CUX1: variants seen among roughly 807,000 people sequenced by gnomAD.
CUX1 encodes cut like homeobox 1, also known as protein CASP.
In CUX1, 31 loss-of-function variants were observed where a neutral mutation model predicts 158.8. The ratio of observed to expected loss-of-function variants is 0.20; its 90% confidence interval spans 0.15 to 0.26. The LOEUF (loss-of-function observed/expected upper bound fraction) is 0.26, where lower values mean the gene tolerates loss of function less well. Ranked by LOEUF, CUX1 falls within the 10% of genes least tolerant of loss-of-function variation. The probability of loss-of-function intolerance (pLI) is 1.00; values close to 1 mark genes in which losing one functional copy is unlikely to be tolerated. For missense variants in CUX1, 1,589 were observed against 2,014.6 expected (o/e 0.79, Z 4.04); for synonymous variants, 879 against 862.1 (o/e 1.02, Z -0.34).
intron 2 of CUX1, among the ~76,000 whole-genome samples, chr7:101,931,640 A>G (rs1176913769): frequency 1.3e-5 from 2 of 152,108 alleles, no homozygotes; most frequent in Non-Finnish European, 2.9e-5. Context: ...ATCTCAGCTC[A>G]CTGCAACCTC....
chr7:101,897,818 G>A (rs917989906), intron 1 of CUX1, among the ~76,000 whole-genome samples: 2 of 152,212 alleles, frequency 1.3e-5, no homozygotes, highest in Admixed American at 1.3e-4. Flanking sequence ...ATTGGTGTGT[G>A]TGTTTCAAGA....
chr7:102,066,956 A>G (rs908560243), intron 3 of CUX1, among the ~76,000 whole-genome samples: 2 of 152,220 alleles, frequency 1.3e-5, no homozygotes, highest in African/African-American at 2.4e-5. Context: ...ACATACACAC[A>G]CGCGTTTTAA....
intron 3 of CUX1, among the ~76,000 whole-genome samples, chr7:102,029,056 A>G (rs1820407747): frequency 7.0e-6 from 1 of 142,030 alleles, no homozygotes; most frequent in African/African-American, 2.6e-5. Flanking sequence ...CCAGTGGTGC[A>G]ATCTAGTCTC....
intron 1 of CUX1, among the ~76,000 whole-genome samples, chr7:101,834,237 T>TA (rs939011080): frequency 1.5e-5 from 2 of 135,490 alleles, no homozygotes; most frequent in African/African-American, 2.7e-5. Flanking sequence ...GCAGTGGCAC[T>TA]ATCTCAGCCC....
intron 1 of CUX1, among the ~76,000 whole-genome samples, chr7:101,825,948 A>G (rs1793243077): frequency 6.6e-6 from 1 of 152,154 alleles, no homozygotes; most frequent in African/African-American, 2.4e-5. Flanking sequence ...CAGCTGCCAG[A>G]TTAATCTTCC....
exon 15 of CUX1, chr7:102,273,477 A>G (rs1791377496): frequency 6.2e-7 from 1 of 1,611,722 alleles, no homozygotes; most frequent in Non-Finnish European, 8.5e-7. Context: ...CAGTCCATCC[A>G]GCGGCCCGAT....
chr7:102,092,953 A>C (rs1828765500), intron 4 of CUX1, among the ~76,000 whole-genome samples: 2 of 150,576 alleles, frequency 1.3e-5, no homozygotes, highest in South Asian at 4.2e-4. Context: ...AAAGAAAAAA[A>C]GAGCTCCTTT....
In CUX1 at chr7:101,942,948, T is replaced by C. The variant is rs564411064; in HGVS notation, c.141+26723T>C. ...CCCTTCTCTGCACCTCCATTCAGCT[T>C]GGACGGGAATCTGTCCTTCCTAGAA... On this transcript the variant is annotated intron_variant, in intron 2 of 23. Coordinates refer to ENST00000292535, the MANE Select transcript of CUX1 (RefSeq NM_181552.4). Among the ~76,000 whole-genome samples, 6 of 152,304 alleles carry C rather than the reference T, an allele frequency of 3.9e-5. No individual in the cohort carries two copies. In the Middle Eastern group the frequency reaches 0.01, roughly 259 times the overall value.
chr7:101,856,182 CAAAAAAAAA>C (rs768518044), intron 1 of CUX1, among the ~76,000 whole-genome samples: 4 of 48,048 alleles, frequency 8.3e-5, no homozygotes, highest in South Asian at 1.5e-3. Context: ...GACCCTGTCT[CAAAAAAAAA>C]AAAAAAAAAA....
At chr7:101,886,575 A>C (rs1021238054) in intron 1 of CUX1, among the ~76,000 whole-genome samples, 1 of 152,160 alleles carries the variant, frequency 6.6e-6, no homozygotes, top group African/African-American at 2.4e-5. Flanking sequence ...CACCAACACG[A>C]TACCCGTGGG....
chr7:102,043,297 A>T lies in CUX1; in HGVS notation c.189+15152A>T, dbSNP rs1175736795. 2.0e-5 allele frequency among the ~76,000 whole-genome samples: 3 copies of T among 149,526 alleles called. No individual in the cohort carries two copies. In the East Asian group the frequency reaches 6.0e-4, roughly 30 times the overall value. On this transcript the variant is annotated intron_variant, in intron 3 of 23. Coordinates refer to ENST00000292535, the MANE Select transcript of CUX1 (RefSeq NM_181552.4). ...GCATACATTACGAAGTGATTTCCACAATCTGACAACATACCCATTAGCTCA... is the reference window on the plus strand; with the variant it reads ...GCATACATTACGAAGTGATTTCCACTATCTGACAACATACCCATTAGCTCA...
intron 10 of CUX1, among the ~76,000 whole-genome samples, chr7:102,170,803 C>T (rs557425307): frequency 1.5e-4 from 23 of 151,290 alleles, no homozygotes; most frequent in African/African-American, 5.2e-4. Context: ...GTGGAGGCTA[C>T]GCAGGCACAG....
chr7:101,900,045 T>C (rs1212499929), intron 1 of CUX1, among the ~76,000 whole-genome samples: 1 of 152,192 alleles, frequency 6.6e-6, no homozygotes. Flanking sequence ...TCAGCTATCT[T>C]GTAGAAAGCG....
At chr7:102,072,558 A>G (rs1228009667) in intron 4 of CUX1, among the ~76,000 whole-genome samples, 9 of 152,238 alleles carry the variant, frequency 5.9e-5, no homozygotes, top group Non-Finnish European at 4.4e-5. Context: ...GCAGAAAGCA[A>G]CTAATCAAAG....
intron 9 of CUX1, among the ~76,000 whole-genome samples, chr7:102,164,050 G>A (rs1247368500): frequency 3.9e-5 from 6 of 152,216 alleles, no homozygotes; most frequent in Non-Finnish European, 8.8e-5. Flanking sequence ...TGACAGTAAA[G>A]GATCAGATCT....
chr7:102,253,955 T>C lies in CUX1; in HGVS notation c.*4913T>C. On this transcript the variant is annotated 3_prime_UTR_variant, in exon 24 of 24. Transcript: ENST00000292535. ...CTACCTCACTAACCTGTCTTCTCCA[T>C]CTGATGTCACCCAGAACCACACCCC... 1 of 985,526 alleles carries C rather than the reference T, an allele frequency of 1.0e-6. No homozygotes were observed. Among genetic ancestry groups the C allele is most frequent in the East Asian group, 1.1e-4 (1 of 8,814 alleles). The allele number at this position is 985,526 out of a possible 1,614,324, so 61.0% of individuals were successfully genotyped here. A position where few individuals can be genotyped will look rare whatever the true frequency, so the allele number is the denominator to read the frequency against.
chr7:102,192,073 G>A (rs782105723), intron 12 of CUX1, among the ~76,000 whole-genome samples: 8 of 152,148 alleles, frequency 5.3e-5, no homozygotes, highest in South Asian at 2.1e-4. Context: ...GCCCAAATGC[G>A]CTCCTAGTTT....
intron 2 of CUX1, among the ~76,000 whole-genome samples, chr7:102,016,899 A>G (rs1818662037): frequency 6.6e-6 from 1 of 152,244 alleles, no homozygotes; most frequent in Non-Finnish European, 1.5e-5. Context: ...CACAGTGGCA[A>G]AAGTCGGAGT....
At chr7:101,818,713 A>G (rs537856985) in intron 1 of CUX1, among the ~76,000 whole-genome samples, 5 of 152,364 alleles carry the variant, frequency 3.3e-5, no homozygotes, top group African/African-American at 1.2e-4. Context: ...TGCAAACTTT[A>G]GTCGAATACG....
Sources: gnomAD v4.1 joint callset for allele counts (sites outside exome capture counted in the v4.1 genomes callset) on GRCh38, gnomAD v4.1.1 for gene constraint, MANE v1.5 for transcripts, NCBI Gene and HGNC (gene_info 2026-07-23, HGNC 2026-07-21) for gene names.